The following CUBN variants were observed in gnomAD, a reference collection of about 807,000 sequenced individuals.
The protein encoded by CUBN is cubilin.
In CUBN, 282 loss-of-function variants were observed where a neutral mutation model predicts 405.3. The observed-to-expected ratio is 0.70, with a 90% CI of 0.63 to 0.77. The LOEUF is 0.77. CUBN is among the 30% of genes least tolerant of loss of function. The probability of loss-of-function intolerance (pLI) is 0.00; values close to 1 mark genes in which losing one functional copy is unlikely to be tolerated. For synonymous variants in CUBN, 1,684 were observed against 1,617.0 expected (o/e 1.04, Z -0.99); for missense variants, 4,514 against 4,475.2 (o/e 1.01, Z -0.25).
intron 57 of CUBN, 72 bp from the exon 58 acceptor site, chr10:16,874,575 T>G (rs1033185779): frequency 2.8e-5 from 44 of 1,561,582 alleles, no homozygotes; most frequent in East Asian, 4.5e-5. Context: ...TTTTAAGAGA[T>G]TCTATACTAT....
intron 29 of CUBN, among the ~76,000 whole-genome samples, chr10:16,987,938 G>A (rs1833473688): frequency 6.6e-6 from 1 of 152,142 alleles, no homozygotes. Context: ...GTGGAACACG[G>A]GAGGCCACTG....
At chr10:17,054,380 C>G (rs1835342999) in intron 22 of CUBN, among the ~76,000 whole-genome samples, 1 of 149,520 alleles carries the variant, frequency 6.7e-6, no homozygotes, top group Admixed American at 6.7e-5. Context: ...TGCTTAAAGG[C>G]TATATCTATA....
chr10:17,128,869 T>C (rs559765637), intron 2 of CUBN, among the ~76,000 whole-genome samples: 5 of 152,334 alleles, frequency 3.3e-5, no homozygotes, highest in Admixed American at 2.0e-4. Context: ...CATTAATCTA[T>C]TGTACATTTC....
At chr10:17,025,977 A>G (rs1023311822) in intron 27 of CUBN, among the ~76,000 whole-genome samples, 1 of 152,146 alleles carries the variant, frequency 6.6e-6, no homozygotes, top group Non-Finnish European at 1.5e-5. Flanking sequence ...GGTGAGGTGG[A>G]TAGAGTCCAC....
chr10:16,892,623 C>T (rs981083618), intron 54 of CUBN, among the ~76,000 whole-genome samples: 1 of 152,118 alleles, frequency 6.6e-6, no homozygotes, highest in African/African-American at 2.4e-5. Context: ...TCCCAAGTAG[C>T]TGGGACTACA....
rs1301559257 is a variant in CUBN, at chr10:17,129,174, A to G, written c.199T>C (p.Ser67Pro). ...SAQNIEFRTG[S>P]LGKIKLNDED... Reference sequence around the variant, plus strand: ...TCATTTAATTTAATTTTTCCCAGGGATCCGGTTCTAAACTCAATGTTTTGA... The same window carrying G: ...TCATTTAATTTAATTTTTCCCAGGGGTCCGGTTCTAAACTCAATGTTTTGA... The change falls in exon 2 of 67, where the codon TCC (serine) becomes CCC (proline). Residue 67 changes from serine to proline, a missense_variant. By Grantham distance (74) the Ser-to-Pro change is moderately conservative. Around this residue, in one of 5 missense-constraint regions of CUBN, gnomAD observed 1,448 missense variants for 1,388.0 expected, o/e 1.04. Coordinates refer to ENST00000377833, the MANE Select transcript of CUBN (RefSeq NM_001081.4). 6.2e-7 allele frequency: 1 copy of G among 1,613,568 alleles called. No homozygotes were observed. The highest frequency in any genetic ancestry group is 1.7e-5 in the Admixed American group (1 of 60,020).
chr10:16,962,635 C>G (rs921572623), intron 31 of CUBN, among the ~76,000 whole-genome samples: 11 of 152,098 alleles, frequency 7.2e-5, no homozygotes, highest in African/African-American at 2.7e-4. Flanking sequence ...TGGTTCCTGC[C>G]CTCTTGCTAG....
At chr10:17,076,589 T>G (rs1165354369) in intron 17 of CUBN, among the ~76,000 whole-genome samples, 1 of 152,126 alleles carries the variant, frequency 6.6e-6, no homozygotes, top group Non-Finnish European at 1.5e-5. Flanking sequence ...ATTGACTATC[T>G]ATGCTTTTTG....
intron 39 of CUBN, among the ~76,000 whole-genome samples, chr10:16,936,932 G>T (rs1030859440): frequency 3.3e-5 from 5 of 152,056 alleles, no homozygotes; most frequent in Non-Finnish European, 7.4e-5. Context: ...GGCCAGGCTA[G>T]TCTCGAACTC....
At chr10:16,978,003 T>C (rs1406085029) in intron 31 of CUBN, among the ~76,000 whole-genome samples, 1 of 152,258 alleles carries the variant, frequency 6.6e-6, no homozygotes, top group African/African-American at 2.4e-5. Flanking sequence ...TTTAAATTGC[T>C]TTTGCTGGAT....
intron 28 of CUBN, among the ~76,000 whole-genome samples, chr10:16,999,055 G>A (rs1470722412): frequency 6.6e-6 from 1 of 152,236 alleles, no homozygotes; most frequent in Non-Finnish European, 1.5e-5. Flanking sequence ...ATAAAAAACA[G>A]TGAAAGAATA....
At chr10:17,115,640 G>A in intron 6 of CUBN, 43 bp from the exon 7 acceptor site, 2 of 1,610,268 alleles carry the variant, frequency 1.2e-6, no homozygotes, top group Non-Finnish European at 1.7e-6. Flanking sequence ...ACGCGCTTTG[G>A]GGCCAGTGCC....
At chr10:16,841,173 T>G in intron 60 of CUBN, 126 bp from the exon 61 acceptor site, 1 of 776,970 alleles carries the variant, frequency 1.3e-6, no homozygotes, top group Admixed American at 2.3e-5. Flanking sequence ...TTAGAGGTAG[T>G]CTTAATTTAG....
chr10:16,970,019 G>A (rs758684842), intron 31 of CUBN, among the ~76,000 whole-genome samples: 1 of 152,052 alleles, frequency 6.6e-6, no homozygotes, highest in Non-Finnish European at 1.5e-5. Flanking sequence ...TCTTCTTTCT[G>A]CTTCTGTTCC....
At chr10:17,073,442 C>T (rs555054749) in intron 17 of CUBN, among the ~76,000 whole-genome samples, 1 of 108,880 alleles carries the variant, frequency 9.2e-6, no homozygotes, top group South Asian at 3.9e-4. Context: ...CAATAACCAG[C>T]TCTTTTTTTT....
chr10:17,114,292 A>G, intron 7 of CUBN, 103 bp from the exon 8 acceptor site: 2 of 1,186,654 alleles, frequency 1.7e-6, no homozygotes, highest in South Asian at 1.3e-5. Flanking sequence ...TCTAACGTTC[A>G]TTTCCATAAG....
intron 28 of CUBN, among the ~76,000 whole-genome samples, chr10:16,999,839 C>T (rs1833830943): frequency 6.6e-6 from 1 of 152,198 alleles, no homozygotes; most frequent in Non-Finnish European, 1.5e-5. Context: ...CCTCCAGGGA[C>T]CTACATTGCA....
chr10:16,850,620 C>T (rs563334732), intron 60 of CUBN, among the ~76,000 whole-genome samples: 305 of 152,182 alleles, frequency 2.0e-3, no homozygotes, highest in African/African-American at 7.0e-3. Context: ...TACAGGCGCC[C>T]GCCGCCACAC....
At chr10:17,026,239 C>T (rs1365509860) in intron 27 of CUBN, among the ~76,000 whole-genome samples, 1 of 152,190 alleles carries the variant, frequency 6.6e-6, no homozygotes, top group East Asian at 1.9e-4. Flanking sequence ...GGTTTGCACT[C>T]ACATCTCCTG....
Sources: allele counts gnomAD v4.1 joint callset (sites outside exome capture counted in the v4.1 genomes callset), GRCh38; gene constraint gnomAD v4.1.1; regional missense constraint gnomAD v4.1.1; transcripts MANE v1.5; gene names NCBI Gene and HGNC (gene_info 2026-07-23, HGNC 2026-07-21).